Variants in DNAAF5 observed in about 807,000 individuals in gnomAD.
The protein encoded by DNAAF5 is dynein axonemal assembly factor 5, also known as HEAT repeat containing 2.
Under a neutral mutation model 75.8 loss-of-function variants are expected in DNAAF5, and 64 were observed. The observed-to-expected ratio is 0.84, with a 90% CI of 0.69 to 1.04. The LOEUF is 1.04. DNAAF5 is among the 50% of genes least tolerant of loss of function. DNAAF5 has a pLI of 0.00. For missense variants in DNAAF5, 1,269 were observed against 1,178.5 expected (o/e 1.08, Z -1.12); for synonymous variants, 657 against 557.2 (o/e 1.18, Z -2.52).
At chr7:757,462 C>T (rs964890780) in intron 6 of DNAAF5, among the ~76,000 whole-genome samples, 1 of 152,010 alleles carries the variant, frequency 6.6e-6, no homozygotes, top group African/African-American at 2.4e-5. Flanking sequence ...CCCAGGGTAC[C>T]TGCACAGATC....
At chr7:775,184 C>T (rs750875783) in intron 11 of DNAAF5, 22 bp downstream of exon 11, 1 of 1,612,430 alleles carries the variant, frequency 6.2e-7, no homozygotes, top group South Asian at 1.1e-5. Context: ...CTGTTGTTCA[C>T]AGCCTGTGTA....
Position 784,354 on chromosome 7 carries a change from C to G in DNAAF5, c.2432-1163C>G, listed in dbSNP as rs558666172. On this transcript the variant is annotated intron_variant, in intron 12 of 12. Transcript: ENST00000297440. ...GGTGCCGAACCCTGGGCCGCTACCC[C>G]CCTCCCTGACTGCCTGCCGGGTTCC... Among the ~76,000 whole-genome samples, 9 of 152,330 alleles carry G rather than the reference C, an allele frequency of 5.9e-5. No individual in the cohort carries two copies. In the East Asian group the frequency reaches 1.4e-3, roughly 23 times the overall value.
At chr7:775,780 C>T (rs1335222937) in intron 11 of DNAAF5, among the ~76,000 whole-genome samples, 2 of 151,602 alleles carry the variant, frequency 1.3e-5, no homozygotes, top group Non-Finnish European at 2.9e-5. Context: ...GTGGACGTTG[C>T]GTTCTGCCTT....
chr7:750,087 G>A (rs1174173320), intron 4 of DNAAF5, among the ~76,000 whole-genome samples: 2 of 152,194 alleles, frequency 1.3e-5, no homozygotes, highest in African/African-American at 4.8e-5. Flanking sequence ...GAGTCCATAA[G>A]GACCACGTGG....
chr7:757,016 G>A (rs765525703), intron 6 of DNAAF5, 22 bp downstream of exon 6: 13 of 1,587,556 alleles, frequency 8.2e-6, no homozygotes, highest in Admixed American at 6.8e-5. Flanking sequence ...TGGGAGATGC[G>A]GGAGTGGAGA....
chr7:748,696 G>A (rs949563519), intron 4 of DNAAF5, among the ~76,000 whole-genome samples: 13 of 151,962 alleles, frequency 8.6e-5, no homozygotes, highest in Non-Finnish European at 1.8e-4. Context: ...TCACCTCACC[G>A]CTCGCTCCAG....
At chr7:772,397 G>C (rs1778596733) in intron 9 of DNAAF5, 1 of 152,258 alleles carries the variant, frequency 6.6e-6, no homozygotes, top group South Asian at 2.1e-4. Context: ...GGAGCACTTT[G>C]CATTCTGAAG....
Position 763,867 on chromosome 7 carries a change from A to G in DNAAF5, c.1676A>G (p.Tyr559Cys), listed in dbSNP as rs768714854. Residue 559 changes from tyrosine (Y) to cysteine (C), a missense_variant, in exon 8 of 13, where the codon TAC (tyrosine) becomes TGC (cysteine). Tyr to Cys is a radical substitution (Grantham distance 194, BLOSUM62 -2). Transcript: ENST00000297440. ...VEGVSSCQDL[Y>C]RKHIGPLLER... ...GGTGTCAGCAGCTGCCAGGACCTCT[A>G]CCGCAAGCACATTGGTCCCCTCCTG... The G allele has an allele frequency of 2.5e-6, 4 of 1,613,388 alleles. No homozygotes were observed. The Admixed American group carries it at 6.7e-5, about 27-fold the overall frequency.
At chr7:781,983 T>C (rs539623667) in intron 12 of DNAAF5, among the ~76,000 whole-genome samples, 4 of 152,406 alleles carry the variant, frequency 2.6e-5, no homozygotes, top group African/African-American at 9.6e-5. Flanking sequence ...CCCTTTGCTG[T>C]GTGGAAGCTT....
At chr7:733,139 G>A (rs1781636061) in intron 2 of DNAAF5, among the ~76,000 whole-genome samples, 2 of 152,150 alleles carry the variant, frequency 1.3e-5, no homozygotes, top group African/African-American at 4.8e-5. Context: ...ATTGGTCTGT[G>A]TGTCTGTTTT....
chr7:758,841 C>T (rs1041559197), intron 6 of DNAAF5, among the ~76,000 whole-genome samples: 1 of 152,132 alleles, frequency 6.6e-6, no homozygotes, highest in Middle Eastern at 3.2e-3. Flanking sequence ...CACCACCACA[C>T]CCGGCTAATT....
chr7:770,580 C>T lies in DNAAF5; in HGVS notation c.1893C>T (p.Thr631=), dbSNP rs149101412. ...TGAAGCTGTTCTCCATCCTGTCCAC[C>T]GTGCTGCTCAGAGCCACGGACACCA... ...MRLKLFSILS[T]VLLRATDTIN... Residue 631 remains threonine (T), a synonymous_variant, in exon 9 of 13, where the codon ACC becomes ACT. Transcript: ENST00000297440. 432 of 1,613,762 alleles carry T rather than the reference C, an allele frequency of 2.7e-4. 1 individual carries two copies. Among genetic ancestry groups the T allele is most frequent in the Non-Finnish European group, 3.4e-4 (403 of 1,179,996 alleles).
At chr7:769,054 G>A in intron 8 of DNAAF5, 1 of 673,796 alleles carries the variant, frequency 1.5e-6, no homozygotes, top group South Asian at 1.6e-5. Flanking sequence ...TCACCGCGAG[G>A]CCTGACTTCG....
At chr7:734,704 G>T (rs952734693) in intron 2 of DNAAF5, among the ~76,000 whole-genome samples, 2 of 152,134 alleles carry the variant, frequency 1.3e-5, no homozygotes, top group African/African-American at 4.8e-5. Flanking sequence ...TTGCGACCCG[G>T]GCTTTTCTTT....
intron 2 of DNAAF5, among the ~76,000 whole-genome samples, chr7:740,094 G>A (rs1361799670): frequency 1.3e-5 from 2 of 152,132 alleles, no homozygotes; most frequent in Non-Finnish European, 2.9e-5. Flanking sequence ...CCCAGGATCA[G>A]TCTGCGGCTG....
At chr7:770,640 G>T in intron 9 of DNAAF5, 22 bp downstream of exon 9, 1 of 1,608,182 alleles carries the variant, frequency 6.2e-7, no homozygotes. Context: ...CTCTGCCTCT[G>T]CACGGCCCCC....
intron 4 of DNAAF5, among the ~76,000 whole-genome samples, chr7:748,577 T>C (rs1782191648): frequency 6.6e-6 from 1 of 152,144 alleles, no homozygotes. Flanking sequence ...CTCCCGCTCC[T>C]CTCCTCAGAG....
chr7:738,600 C>T (rs1032366370), intron 2 of DNAAF5, among the ~76,000 whole-genome samples: 4 of 151,972 alleles, frequency 2.6e-5, no homozygotes, highest in African/African-American at 7.3e-5. Flanking sequence ...AATTGAAAAA[C>T]GTCCTGCTTT....
Position 727,296 on chromosome 7 carries a change from C to T in DNAAF5, c.576C>T (p.Ala192=), listed in dbSNP as rs1470405751. 1.5e-6 allele frequency: 2 copies of T among 1,301,478 alleles called. No individual in the cohort carries two copies. Among genetic ancestry groups the T allele is most frequent in the South Asian group, 2.2e-5 (1 of 45,866 alleles). 80.6% of individuals were successfully genotyped at this position (1,301,478 alleles called of 1,614,324 possible). A position where few individuals can be genotyped will look rare whatever the true frequency, so the allele number is the denominator to read the frequency against. The change falls in exon 1 of 13, where the codon GCC becomes GCT. Residue 192 remains alanine (A), a synonymous_variant. Transcript: ENST00000297440. The part of the protein sequence containing the change: ...VRRESCSCAA[A]LAQATPDHFH... The stretch of plus-strand genomic sequence containing the variant: ...GCGAGAGCTGCAGCTGCGCCGCCGC[C>T]CTGGCGCAGGCCACGCCCGGTGAGC...
Sources: allele counts gnomAD v4.1 joint callset (sites outside exome capture counted in the v4.1 genomes callset), GRCh38; gene constraint gnomAD v4.1.1; transcripts MANE v1.5; gene names NCBI Gene and HGNC (gene_info 2026-07-23, HGNC 2026-07-21).